AIFM2: variants seen among roughly 807,000 people sequenced by gnomAD.
AIFM2 encodes the protein ferroptosis suppressor protein 1.
Under a neutral mutation model 35.7 loss-of-function variants are expected in AIFM2, and 38 were observed. The observed-to-expected ratio is 1.06, with a 90% CI of 0.82 to 1.39. The LOEUF is 1.39. Ranked by LOEUF, AIFM2 falls within the 40% of genes most tolerant of loss-of-function variation. AIFM2 has a pLI of 0.00. For missense variants in AIFM2, 476 were observed against 491.2 expected, an observed-to-expected ratio of 0.97 and a Z score of 0.29; for synonymous variants, 185 against 203.5, an observed-to-expected ratio of 0.91 and a Z score of 0.77.
Position 70,116,740 on chromosome 10 carries a change from G to T in AIFM2, c.651C>A (p.Leu217=). The change falls in exon 7 of 9, where the codon CTC becomes CTA. Residue 217 remains leucine, a synonymous_variant. Coordinates refer to ENST00000307864, the MANE Select transcript of AIFM2 (RefSeq NM_032797.6). ...CTTTGATGTACTCTCGATACTCATT[G>T]AGAGGCAGCTCCTCCAGATTGCTCA... is the stretch of plus-strand genomic sequence containing the variant. ...ERVSNLEELP[L]NEYREYIKVQ... is the part of the protein sequence containing the mutation. The T allele has an allele frequency of 6.2e-7, 1 of 1,614,190 alleles. No individual in the cohort carries two copies. The highest frequency in any genetic ancestry group is 8.5e-7 in the Non-Finnish European group (1 of 1,180,030).
chr10:70,117,130 C>T lies in AIFM2; in HGVS notation c.617-356G>A, dbSNP rs1483808584. Among the ~76,000 whole-genome samples the T allele has an allele frequency of 6.6e-6, 1 of 152,230 alleles. No individual in the cohort carries two copies. The highest frequency in any genetic ancestry group is 1.5e-5 in the Non-Finnish European group (1 of 68,034). ...CTAGGCAGGACGAGCGCTCCAAGTG[C>T]ACCACGACAAAGGGGAAAGCCAGAG... On this transcript the variant is annotated intron_variant, in intron 6 of 8. Coordinates refer to ENST00000307864, the MANE Select transcript of AIFM2 (RefSeq NM_032797.6). This position sits in a 1 kb window ranked among gnomAD's most constrained non-coding sequence, Gnocchi z 4.7.
chr10:70,117,892 AGGGCCACTTG>A lies in AIFM2; in HGVS notation c.526_535del (p.Gln176TrpfsTer14), dbSNP rs2072455691. The A allele has an allele frequency of 6.2e-7, 1 of 1,607,982 alleles. No homozygotes were observed. Among genetic ancestry groups the A allele is most frequent in the Non-Finnish European group, 8.5e-7 (1 of 1,177,592 alleles). On this transcript the variant is annotated frameshift_variant, in exon 6 of 9. Coordinates refer to ENST00000307864, the MANE Select transcript of AIFM2 (RefSeq NM_032797.6). LOFTEE classifies it high-confidence loss of function. This position sits in a 1 kb window ranked among gnomAD's most constrained non-coding sequence, Gnocchi z 4.7. ...GGAGGGCAGGAGCTCCTTGTCAGCC[AGGGCCACTTG>A]GGAGTGAATGAGAGTGACCTGAGGA...
intron 2 of AIFM2, 129 bp downstream of exon 2, chr10:70,123,778 A>G (rs550878591): frequency 9.4e-7 from 1 of 1,066,658 alleles, no homozygotes; most frequent in African/African-American, 1.6e-5. Context: ...GCTTCTCCAG[A>G]ACTTGTCTGA....
chr10:70,119,783 G>T (rs921180258), intron 5 of AIFM2, among the ~76,000 whole-genome samples: 1 of 152,180 alleles, frequency 6.6e-6, no homozygotes, highest in African/African-American at 2.4e-5. Context: ...GGCTTCAACC[G>T]CAAGCAAGCT....
rs2072402597 is a variant in AIFM2 at position 70,113,761 on chromosome 10, C to G, written c.*417G>C. The G allele has an allele frequency of 6.2e-6, 1 of 162,146 alleles. No homozygotes were observed. Among genetic ancestry groups the G allele is most frequent in the Non-Finnish European group, 1.3e-5 (1 of 75,124 alleles). 10.0% of individuals were successfully genotyped at this position (162,146 alleles called of 1,614,324 possible). On this transcript the variant is annotated 3_prime_UTR_variant, in exon 9 of 9. Coordinates refer to ENST00000307864, the MANE Select transcript of AIFM2 (RefSeq NM_032797.6). Reference sequence around the variant, plus strand: ...AATGTGCAGCTCTCCTTCCTGCCCTCACAGACAGACACTGGCCACCAGAGC... The same window carrying G: ...AATGTGCAGCTCTCCTTCCTGCCCTGACAGACAGACACTGGCCACCAGAGC...
At position 70,117,214 on chromosome 10, in the gene AIFM2, C is replaced by T. The variant is rs1424892290; in HGVS notation, c.617-440G>A. Among the ~76,000 whole-genome samples, 1 of 152,210 alleles carries T rather than the reference C, an allele frequency of 6.6e-6. No individual in the cohort carries two copies. Among genetic ancestry groups the T allele is most frequent in the East Asian group, 1.9e-4 (1 of 5,186 alleles). On this transcript the variant is annotated intron_variant, in intron 6 of 8. Transcript: ENST00000307864. The surrounding 1 kb of genome is among the most constrained non-coding windows in gnomAD (Gnocchi z 4.7). ...AAGTGACAGTGACGGCAGCACTCCACAGCCAGTTACCAAAAGGAGGCTGAG... is the reference window on the plus strand; with the variant it reads ...AAGTGACAGTGACGGCAGCACTCCATAGCCAGTTACCAAAAGGAGGCTGAG...
intron 6 of AIFM2, 142 bp from the exon 7 acceptor site, chr10:70,116,916 C>A: frequency 1.0e-6 from 1 of 972,034 alleles, no homozygotes; most frequent in South Asian, 1.5e-5. Flanking sequence ...TCCCACCATG[C>A]CCCTCCCTCA....
rs2072530901 is a variant in AIFM2 at position 70,123,385 on chromosome 10, C to A, written c.294+20G>T. On this transcript the variant is annotated intron_variant, in intron 3 of 8. Transcript: ENST00000307864. ...AGAGGGCCCTTGAGCCAGCTGGCAGCCGGGCTGGCCCTCACTCACCTCGCC... is the reference window on the plus strand; with the variant it reads ...AGAGGGCCCTTGAGCCAGCTGGCAGACGGGCTGGCCCTCACTCACCTCGCC... 19 of 1,606,448 alleles carry A rather than the reference C, an allele frequency of 1.2e-5. No homozygotes were observed. The highest frequency in any genetic ancestry group is 1.4e-5 in the Non-Finnish European group (16 of 1,173,942).
Position 70,113,950 on chromosome 10 carries a change from C to G in AIFM2, c.*228G>C, listed in dbSNP as rs140144523. On this transcript the variant is annotated 3_prime_UTR_variant, in exon 9 of 9. Coordinates refer to ENST00000307864, the MANE Select transcript of AIFM2 (RefSeq NM_032797.6). ...CACATGAGCCGCTCACCCAGTACCA[C>G]AGCAAGCACACCTTCCAAACCCAGA... 2.3e-4 allele frequency: 127 copies of G among 551,606 alleles called. No homozygotes were observed. The East Asian group carries it at 4.1e-3, about 18-fold the overall frequency. 34.2% of individuals were successfully genotyped at this position (551,606 alleles called of 1,614,324 possible). A position where few individuals can be genotyped will look rare whatever the true frequency, so the allele number is the denominator to read the frequency against.
chr10:70,122,876 G>C (rs1005020796), intron 3 of AIFM2, among the ~76,000 whole-genome samples: 7 of 152,154 alleles, frequency 4.6e-5, no homozygotes, highest in African/African-American at 1.7e-4. Context: ...TTACGTAAAG[G>C]CTACAAACAG....
chr10:70,118,018 C>G (rs2072457821), intron 5 of AIFM2, 98 bp from the exon 6 acceptor site: 2 of 831,424 alleles, frequency 2.4e-6, no homozygotes, highest in Admixed American at 2.5e-5. Context: ...CTCCAGGTTA[C>G]AGATGAGGAA....
At chr10:70,125,741 G>C (rs2136664714) in intron 1 of AIFM2, among the ~76,000 whole-genome samples, 1 of 152,260 alleles carries the variant, frequency 6.6e-6, no homozygotes, top group African/African-American at 2.4e-5. Flanking sequence ...AAAGTGCTGG[G>C]ATTACAGGCA....
At chr10:70,116,540 C>G in intron 7 of AIFM2, 82 bp downstream of exon 7, 1 of 1,565,664 alleles carries the variant, frequency 6.4e-7, no homozygotes, top group Non-Finnish European at 8.7e-7. Context: ...GTGTGGACTC[C>G]TGGGGGCAAG....
At chr10:70,123,686 C>CTGA (rs2072534797) in intron 2 of AIFM2, among the ~76,000 whole-genome samples, 166 bp from the exon 3 acceptor site, 1 of 152,308 alleles carries the variant, frequency 6.6e-6, no homozygotes, top group Admixed American at 6.5e-5. Context: ...AAATGCCAAT[C>CTGA]TGGGCCTCAG....
In AIFM2 at chr10:70,123,906, C is replaced by T. The variant is rs199761148; in HGVS notation, c.178+1G>A. On this transcript the variant is annotated splice_donor_variant, in intron 2 of 8. Transcript: ENST00000307864. LOFTEE classifies it high-confidence loss of function. Reference sequence around the variant, plus strand: ...GACAGCCCCAGACGGGAGCACATTACCTGTCTCCACGGAGGCTCGGAGAGC... The same window carrying T: ...GACAGCCCCAGACGGGAGCACATTATCTGTCTCCACGGAGGCTCGGAGAGC... 9.0e-5 allele frequency: 142 copies of T among 1,572,996 alleles called. No homozygotes were observed. The African/African-American group carries it at 1.6e-3, about 18-fold the overall frequency.
rs776461484 is a variant in AIFM2 at position 70,114,986 on chromosome 10, C to G, written c.904G>C (p.Ala302Pro). 2 of 1,614,186 alleles carry G rather than the reference C, an allele frequency of 1.2e-6. No homozygotes were observed. Among genetic ancestry groups the G allele is most frequent in the South Asian group, 2.2e-5 (2 of 91,084 alleles). The change falls in exon 8 of 9, where the codon GCC becomes CCC. Residue 302 changes from alanine (A) to proline (P), a missense_variant. By Grantham distance (27) the Ala-to-Pro change is conservative. Coordinates refer to ENST00000307864, the MANE Select transcript of AIFM2 (RefSeq NM_032797.6). Reference protein sequence around the residue: ...PKMAYLAGLHANIAVANIVNS... With the variant: ...PKMAYLAGLHPNIAVANIVNS... ...ACGATGTTGGCCACGGCGATGTTGG[C>G]GTGGAGGCCGGCAAGATAGGCCATC... is the stretch of plus-strand genomic sequence containing the variant.
rs966133655 is a variant in AIFM2 at position 70,115,074 on chromosome 10, G to A, written c.816C>T (p.Leu272=). ...SSGALRVNEH[L]QVEGHSNVYA... ...AGACGTTGCTGTGGCCCTCCACCTGGAGGTGCTCGTTCACTCTCAGAGCAC... is the reference window on the plus strand; with the variant it reads ...AGACGTTGCTGTGGCCCTCCACCTGAAGGTGCTCGTTCACTCTCAGAGCAC... The change falls in exon 8 of 9, where the codon CTC becomes CTT. Residue 272 remains leucine (L), a synonymous_variant. Transcript: ENST00000307864. 6.2e-7 allele frequency: 1 copy of A among 1,614,012 alleles called. No individual in the cohort carries two copies. Among genetic ancestry groups the A allele is most frequent in the African/African-American group, 1.3e-5 (1 of 75,044 alleles).
In AIFM2 at chr10:70,117,002, C is replaced by A. The variant is rs965889811; in HGVS notation, c.617-228G>T. On this transcript the variant is annotated intron_variant, in intron 6 of 8. Transcript: ENST00000307864. The surrounding 1 kb of genome is among the most constrained non-coding windows in gnomAD (Gnocchi z 4.7). ...CCCTCTGGAGAAAAGTTCCAAGAAG[C>A]CCCTGGAGGGAAGCGAGGCTGTTTC... 6.6e-6 allele frequency among the ~76,000 whole-genome samples: 1 copy of A among 152,230 alleles called. No individual in the cohort carries two copies. The highest frequency in any genetic ancestry group is 1.5e-5 in the Non-Finnish European group (1 of 68,046).
At chr10:70,114,885 T>C in intron 8 of AIFM2, 35 bp downstream of exon 8, 4 of 1,608,338 alleles carry the variant, frequency 2.5e-6, no homozygotes, top group Non-Finnish European at 3.4e-6. Context: ...CCCCAAACTC[T>C]ATTAAAACTG....
Sources: allele counts gnomAD v4.1 joint callset (sites outside exome capture counted in the v4.1 genomes callset), GRCh38; gene constraint gnomAD v4.1.1; non-coding constraint Gnocchi (gnomAD v3.1); transcripts MANE v1.5; gene names NCBI Gene and HGNC (gene_info 2026-07-23, HGNC 2026-07-21).